Variants in ATF7 observed in about 807,000 individuals in gnomAD.
ATF7 encodes activating transcription factor 7.
A neutral mutation model predicts 50.4 loss-of-function variants in ATF7; 10 were observed. The ratio of observed to expected loss-of-function variants is 0.20; its 90% CI spans 0.12 to 0.34. The LOEUF is 0.34. Ranked by LOEUF, ATF7 falls within the 10% of genes least tolerant of loss-of-function variation. The pLI is 1.00. For synonymous variants in ATF7, 201 were observed against 226.4 expected (o/e 0.89, Z 1.01); for missense variants, 465 against 613.9 (o/e 0.76, Z 2.56).
intron 2 of ATF7, among the ~76,000 whole-genome samples, chr12:53,564,834 G>A (rs1941356496): frequency 6.6e-6 from 1 of 151,958 alleles, no homozygotes; most frequent in Admixed American, 6.6e-5. Context: ...TTTCAACATG[G>A]CCCAACATAA....
intron 9 of ATF7, among the ~76,000 whole-genome samples, chr12:53,529,094 A>G (rs1938682773): frequency 6.6e-6 from 1 of 152,022 alleles, no homozygotes; most frequent in Non-Finnish European, 1.5e-5. Flanking sequence ...ATATATATAT[A>G]AAAAGAGGAA....
chr12:53,543,042 T>G, intron 4 of ATF7: 1 of 1,283,116 alleles, frequency 7.8e-7, no homozygotes. Flanking sequence ...TTCAACATAT[T>G]TATAATATAA....
At chr12:53,605,389 C>CAAAAA (rs11433998) in intron 1 of ATF7, among the ~76,000 whole-genome samples, 2 of 101,984 alleles carry the variant, frequency 2.0e-5, no homozygotes, top group African/African-American at 3.7e-5. Flanking sequence ...AATTCTGTCT[C>CAAAAA]AAAAAAAAAA....
chr12:53,577,246 T>TAGTA (rs1161577386), intron 2 of ATF7, among the ~76,000 whole-genome samples: 1 of 151,764 alleles, frequency 6.6e-6, no homozygotes, highest in Non-Finnish European at 1.5e-5. Flanking sequence ...CATAGTGACA[T>TAGTA]AGTAAGACAC....
chr12:53,545,719 G>A (rs1939860390), intron 3 of ATF7, among the ~76,000 whole-genome samples: 1 of 152,150 alleles, frequency 6.6e-6, no homozygotes, highest in Non-Finnish European at 1.5e-5. Context: ...TATGTTTGGG[G>A]GAGGGGAGGG....
intron 3 of ATF7, among the ~76,000 whole-genome samples, chr12:53,549,212 G>A (rs1296829452): frequency 1.3e-5 from 2 of 150,318 alleles, no homozygotes; most frequent in Non-Finnish European, 3.0e-5. Context: ...GCATGAACCC[G>A]GGAAGCGCAG....
At chr12:53,598,886 GGTAA>G (rs1210305692) in intron 2 of ATF7, among the ~76,000 whole-genome samples, 1 of 151,998 alleles carries the variant, frequency 6.6e-6, no homozygotes, top group South Asian at 2.1e-4. Flanking sequence ...GAAAAATAAT[GGTAA>G]GTATTAGAAA....
At chr12:53,547,451 A>C (rs1212848239) in intron 3 of ATF7, among the ~76,000 whole-genome samples, 1 of 151,286 alleles carries the variant, frequency 6.6e-6, no homozygotes, top group Admixed American at 6.6e-5. Context: ...ATGCCCAGTT[A>C]ATTTTTGTAT....
At chr12:53,622,472 TAGTC>T (rs1944425767) in intron 1 of ATF7, among the ~76,000 whole-genome samples, 1 of 151,422 alleles carries the variant, frequency 6.6e-6, no homozygotes, top group Non-Finnish European at 1.5e-5. Context: ...TACAAAAAAT[TAGTC>T]AGGCATGGTG....
rs538068396 is a variant in ATF7, at chr12:53,580,332, G to T, written c.48+20621C>A. On this transcript the variant is annotated intron_variant, in intron 2 of 11. Coordinates refer to ENST00000420353, the MANE Select transcript of ATF7 (RefSeq NM_006856.3). The stretch of plus-strand genomic sequence containing the variant: ...CAAGACCTAACTGTATGTTGTATAT[G>T]AGAAAACCCCTTTAATACAAATAAA... Among the ~76,000 whole-genome samples, 9 of 150,184 alleles carry T rather than the reference G, an allele frequency of 6.0e-5. No homozygotes were observed. In the East Asian group the frequency reaches 1.8e-3, roughly 29 times the overall value.
At chr12:53,527,027 C>T (rs1046987136) in intron 9 of ATF7, among the ~76,000 whole-genome samples, 14 of 150,490 alleles carry the variant, frequency 9.3e-5, no homozygotes, top group East Asian at 5.9e-4. Context: ...GGCATGGTGG[C>T]GCATGCCTGT....
At chr12:53,529,493 G>A (rs1217262921) in intron 9 of ATF7, among the ~76,000 whole-genome samples, 8 of 150,452 alleles carry the variant, frequency 5.3e-5, no homozygotes, top group East Asian at 2.0e-4. Context: ...GAGCCACCAC[G>A]CCTGGCTAAT....
downstream of ATF7, among the ~76,000 whole-genome samples, chr12:53,511,724 G>A (rs752023594): frequency 2.0e-5 from 3 of 152,180 alleles, no homozygotes; most frequent in Non-Finnish European, 2.9e-5. Flanking sequence ...AAGGCCATTT[G>A]CCATCAGCAA....
In ATF7 at chr12:53,567,974, A is replaced by G. The variant is rs538339634; in HGVS notation, c.49-15337T>C. On this transcript the variant is annotated intron_variant, in intron 2 of 11. Transcript: ENST00000420353. The stretch of plus-strand genomic sequence containing the variant: ...CTTGAAAAACGTATCAAATACTTTT[A>G]TCTTCTAATTTGCTACACATTAAGT... 3.3e-5 allele frequency among the ~76,000 whole-genome samples: 5 copies of G among 152,326 alleles called. No homozygotes were observed. The South Asian group carries it at 1.0e-3, about 32-fold the overall frequency.
chr12:53,568,899 T>C (rs997080128), intron 2 of ATF7, among the ~76,000 whole-genome samples: 4 of 152,194 alleles, frequency 2.6e-5, no homozygotes, highest in African/African-American at 9.6e-5. Flanking sequence ...CTGTGGCTCA[T>C]GCTGGTAATC....
At chr12:53,560,220 C>A (rs552881137) in intron 2 of ATF7, among the ~76,000 whole-genome samples, 1 of 152,218 alleles carries the variant, frequency 6.6e-6, no homozygotes, top group African/African-American at 2.4e-5. Context: ...CCGCACCCGG[C>A]CTCCTCTTTA....
chr12:53,589,119 T>C (rs1331400706), intron 2 of ATF7, among the ~76,000 whole-genome samples: 1 of 152,168 alleles, frequency 6.6e-6, no homozygotes, highest in Non-Finnish European at 1.5e-5. Flanking sequence ...TGGATACTGA[T>C]GTGCGTATGG....
chr12:53,578,453 G>A (rs1180185029), intron 2 of ATF7, among the ~76,000 whole-genome samples: 1 of 150,982 alleles, frequency 6.6e-6, no homozygotes, highest in Non-Finnish European at 1.5e-5. Context: ...CCACAGACTT[G>A]CCTTGCCAGA....
At chr12:53,587,843 A>ATATATATATATATATATATT in intron 2 of ATF7, among the ~76,000 whole-genome samples, 93 of 61,536 alleles carry the variant, frequency 1.5e-3, no homozygotes, top group South Asian at 2.2e-3. Context: ...ATATATATAT[A>ATATATATATATATATATATT]TTTTTTTTTT....
Sources: allele counts gnomAD v4.1 joint callset (sites outside exome capture counted in the v4.1 genomes callset), GRCh38; gene constraint gnomAD v4.1.1; transcripts MANE v1.5; gene names NCBI Gene and HGNC (gene_info 2026-07-23, HGNC 2026-07-21).